KAT6B: variants seen among roughly 807,000 people sequenced by gnomAD.
KAT6B encodes the protein histone acetyltransferase KAT6B.
In KAT6B, 10 loss-of-function variants were observed where a neutral mutation model predicts 187.5. That is an observed-to-expected ratio of 0.05 (90% CI 0.03 to 0.09). The LOEUF (loss-of-function observed/expected upper bound fraction) is 0.09, where lower values mean the gene tolerates loss of function less well. KAT6B is among the 10% of genes least tolerant of loss of function. The pLI is 1.00. For synonymous variants in KAT6B, 861 were observed against 926.8 expected, an observed-to-expected ratio of 0.93 and a Z score of 1.29; for missense variants, 1,952 against 2,558.9, an observed-to-expected ratio of 0.76 and a Z score of 5.12.
chr10:74,846,063 G>A (rs3998204), intron 3 of KAT6B, among the ~76,000 whole-genome samples: 2 of 151,910 alleles, frequency 1.3e-5, no homozygotes, highest in African/African-American at 2.4e-5. Context: ...GAGGTTTCTC[G>A]ATGTTGCCCA....
chr10:74,841,258 G>A, intron 2 of KAT6B, among the ~76,000 whole-genome samples: 1 of 152,186 alleles, frequency 6.6e-6, no homozygotes, highest in Non-Finnish European at 1.5e-5. Flanking sequence ...GCTCAGGTGA[G>A]AACAGTGATG....
rs188119277 is a variant in KAT6B at position 74,982,022 on chromosome 10, A to G, written c.2373+94A>G. ...GATTTGTGTTTAGAAGGTACAAAGT[A>G]TACTTAATTTTGGCACTGAAATTCA... On this transcript the variant is annotated intron_variant, in intron 11 of 17. Coordinates refer to ENST00000287239, the MANE Select transcript of KAT6B (RefSeq NM_012330.4). 23 of 1,198,806 alleles carry G rather than the reference A, an allele frequency of 1.9e-5. No homozygotes were observed. The Middle Eastern group carries it at 1.3e-3, about 69-fold the overall frequency. 74.3% of individuals were successfully genotyped at this position (1,198,806 alleles called of 1,614,324 possible).
At chr10:74,959,911 A>G (rs1589707300) in intron 3 of KAT6B, 59 bp from the exon 4 acceptor site, 1 of 1,149,396 alleles carries the variant, frequency 8.7e-7, no homozygotes, top group Admixed American at 1.7e-5. Context: ...TTTTGATTTT[A>G]ATGTTTTTAC....
At chr10:74,935,540 C>G in intron 3 of KAT6B, among the ~76,000 whole-genome samples, 1 of 152,318 alleles carries the variant, frequency 6.6e-6, no homozygotes, top group East Asian at 1.9e-4. Flanking sequence ...TGGCTTCAAG[C>G]AGTCCTCCTG....
intron 10 of KAT6B, among the ~76,000 whole-genome samples, chr10:74,980,994 TTAAAA>T (rs1320587276): frequency 2.6e-5 from 4 of 152,216 alleles, no homozygotes; most frequent in African/African-American, 9.6e-5. Flanking sequence ...TGCAGATTGT[TTAAAA>T]TAATAAATTC....
intron 3 of KAT6B, among the ~76,000 whole-genome samples, chr10:74,918,845 A>G (rs1847902071): frequency 1.3e-5 from 2 of 152,212 alleles, no homozygotes; most frequent in Non-Finnish European, 1.5e-5. Flanking sequence ...GTTAGAACAC[A>G]TTGAAGATAT....
At chr10:74,970,229 T>A in intron 6 of KAT6B, 128 bp downstream of exon 6, 1 of 701,776 alleles carries the variant, frequency 1.4e-6, no homozygotes, top group Admixed American at 2.1e-5. Context: ...TTCCCTATAC[T>A]TCTGAGTTTA....
chr10:74,950,267 T>C (rs1403928227), intron 3 of KAT6B, among the ~76,000 whole-genome samples: 2 of 151,690 alleles, frequency 1.3e-5, no homozygotes, highest in African/African-American at 4.8e-5. Flanking sequence ...GGTACAGGAG[T>C]ATAGAGAAAA....
chr10:74,898,272 A>T (rs1366807778), intron 3 of KAT6B, among the ~76,000 whole-genome samples: 1 of 152,180 alleles, frequency 6.6e-6, no homozygotes, highest in African/African-American at 2.4e-5. Flanking sequence ...CTTTGGACTG[A>T]GCTGCTGCTT....
intron 3 of KAT6B, among the ~76,000 whole-genome samples, chr10:74,907,691 G>A (rs1043246331): frequency 4.6e-5 from 7 of 151,774 alleles, no homozygotes; most frequent in Non-Finnish European, 8.8e-5. Flanking sequence ...CACTATGCCC[G>A]CCTAATTTTT....
intron 10 of KAT6B, among the ~76,000 whole-genome samples, chr10:74,980,738 G>T (rs1363142788): frequency 1.3e-5 from 2 of 152,200 alleles, no homozygotes; most frequent in African/African-American, 4.8e-5. Context: ...TGTTCATTAA[G>T]ATATGGAAAT....
rs1205842833 is a variant in KAT6B, at chr10:75,030,421, A to G, written c.5597A>G (p.His1866Arg). The G allele has an allele frequency of 1.9e-6, 3 of 1,613,858 alleles. No individual in the cohort carries two copies. The highest frequency in any genetic ancestry group is 1.1e-5 in the South Asian group (1 of 91,062). The change falls in exon 18 of 18, where the codon CAC becomes CGC. Residue 1866 changes from histidine to arginine, a missense_variant. His to Arg is a conservative substitution (Grantham distance 29, BLOSUM62 0). This residue lies in a region of KAT6B where 358 missense variants were observed against 436.3 expected (regional missense o/e 0.82). Transcript: ENST00000287239. The surrounding 1 kb of genome is among the most constrained non-coding windows in gnomAD (Gnocchi z 4.8). ...TGLVQLSQSP[H>R]SVPGGPQAQA... ...CTTGTTCAACTTTCTCAGTCTCCAC[A>G]CTCCGTCCCTGGGGGACCCCAAGCA...
chr10:74,942,631 G>T (rs911842409), intron 3 of KAT6B, among the ~76,000 whole-genome samples: 3 of 151,952 alleles, frequency 2.0e-5, no homozygotes, highest in African/African-American at 7.3e-5. Context: ...TGGGCATGGT[G>T]GCACAAGCCT....
At chr10:75,003,323 T>G (rs990530057) in intron 13 of KAT6B, 1 of 152,246 alleles carries the variant, frequency 6.6e-6, no homozygotes, top group Non-Finnish European at 1.5e-5. Flanking sequence ...AATACCAGCT[T>G]TAGCCATAAG....
chr10:74,825,530 G>A, upstream of KAT6B: 1 of 158,360 alleles, frequency 6.3e-6, no homozygotes, highest in Non-Finnish European at 1.4e-5. This position sits in a 1 kb window ranked among gnomAD's most constrained non-coding sequence, Gnocchi z 5.0. Flanking sequence ...GAAGGAGGCG[G>A]CGGCGGTGGG....
chr10:74,914,214 ATTAC>A (rs1847476741), intron 3 of KAT6B, among the ~76,000 whole-genome samples: 1 of 151,876 alleles, frequency 6.6e-6, no homozygotes, highest in African/African-American at 2.4e-5. Flanking sequence ...AAAAAAAAGT[ATTAC>A]TTATTTAGTA....
At chr10:74,988,950 TG>T in intron 12 of KAT6B, 68 bp from the exon 13 acceptor site, 1 of 1,034,648 alleles carries the variant, frequency 9.7e-7, no homozygotes, top group Non-Finnish European at 1.5e-6. Context: ...ACAAGGACAG[TG>T]GCAGGTGCAG....
At position 74,985,333 on chromosome 10, in the gene KAT6B, A is replaced by G. The variant is rs1259077777; in HGVS notation, c.2535+92A>G. ...TGAACAGGGCTTTTTCATTACTATA[A>G]TTTGAATAAGTGACATGTGTTTTTG... On this transcript the variant is annotated intron_variant, in intron 12 of 17. Transcript: ENST00000287239. 4.1e-6 allele frequency: 5 copies of G among 1,228,926 alleles called. No individual in the cohort carries two copies. The Admixed American group carries it at 9.0e-5, about 22-fold the overall frequency. The allele number at this position is 1,228,926 out of a possible 1,614,324, so 76.1% of individuals were successfully genotyped here. A position where few individuals can be genotyped will look rare whatever the true frequency, so the allele number is the denominator to read the frequency against.
chr10:74,858,527 C>G (rs1048985882), intron 3 of KAT6B, among the ~76,000 whole-genome samples: 1 of 152,174 alleles, frequency 6.6e-6, no homozygotes, highest in East Asian at 1.9e-4. Flanking sequence ...ATCTACCCAC[C>G]TTGGCCTCCC....
Sources: gnomAD v4.1 joint callset for allele counts (sites outside exome capture counted in the v4.1 genomes callset) on GRCh38, gnomAD v4.1.1 for gene constraint, gnomAD v4.1.1 regional missense constraint, Gnocchi (gnomAD v3.1) non-coding constraint, MANE v1.5 for transcripts, NCBI Gene and HGNC (gene_info 2026-07-23, HGNC 2026-07-21) for gene names.